The following C19orf38 variants were observed in gnomAD, a reference collection of about 807,000 sequenced individuals.
The protein encoded by C19orf38 is protein HIDE1.
In C19orf38, 14 loss-of-function variants were observed where a neutral mutation model predicts 26.6. The ratio of observed to expected loss-of-function variants is 0.53; its 90% CI spans 0.35 to 0.82. The LOEUF (loss-of-function observed/expected upper bound fraction) is 0.82, where lower values mean the gene tolerates loss of function less well. C19orf38 is among the 40% of genes least tolerant of loss of function. The pLI is 0.01. For synonymous variants in C19orf38, 132 were observed against 128.5 expected, an observed-to-expected ratio of 1.03 and a Z score of -0.18; for missense variants, 261 against 299.5, an observed-to-expected ratio of 0.87 and a Z score of 0.95.
chr19:10,838,836 T>G lies in C19orf38; in HGVS notation c.-69+2066T>G, dbSNP rs534214454. ...GTGCCATTTGCATAGGGTGTGAATT[T>G]CTGGTATCTGCTAATCTTTTATTAT... On this transcript the variant is annotated intron_variant, in intron 1 of 7. Coordinates refer to the C19orf38 transcript ENST00000592854. Among the ~76,000 whole-genome samples the G allele has an allele frequency of 2.0e-5, 3 of 152,278 alleles. No homozygotes were observed. In the South Asian group the frequency reaches 6.2e-4, roughly 32 times the overall value.
At chr19:10,858,755 A>G (rs539851657) in intron 4 of C19orf38, among the ~76,000 whole-genome samples, 33 of 152,030 alleles carry the variant, frequency 2.2e-4, no homozygotes, top group East Asian at 1.6e-3. Context: ...GCAGTGCCCA[A>G]TTGCACTGTA....
chr19:10,856,924 G>A (rs1318974801), intron 3 of C19orf38, among the ~76,000 whole-genome samples: 1 of 151,540 alleles, frequency 6.6e-6, no homozygotes, highest in Non-Finnish European at 1.5e-5. Flanking sequence ...AGCCTCCCAA[G>A]TAGCTGGGAC....
At chr19:10,856,202 A>T in intron 2 of C19orf38, 63 bp from the exon 3 acceptor site, 1 of 1,306,254 alleles carries the variant, frequency 7.7e-7, no homozygotes, top group Non-Finnish European at 1.1e-6. Flanking sequence ...AGGGCTGGCT[A>T]CTCAAAGGTA....
intron 6 of C19orf38, among the ~76,000 whole-genome samples, chr19:10,865,219 T>G (rs941189025): frequency 2.6e-5 from 4 of 152,034 alleles, no homozygotes; most frequent in African/African-American, 9.7e-5. Flanking sequence ...TGGCTTGATC[T>G]CACTGCAACC....
chr19:10,856,490 G>GTATT (rs374016803), intron 3 of C19orf38, 133 bp downstream of exon 3: 396 of 524,692 alleles, frequency 7.5e-4, no homozygotes, highest in Non-Finnish European at 1.1e-3. Flanking sequence ...CCTTTTAAAA[G>GTATT]TATTTATTTA....
At chr19:10,842,584 A>G (rs1402308014) in intron 1 of C19orf38, among the ~76,000 whole-genome samples, 2 of 152,236 alleles carry the variant, frequency 1.3e-5, no homozygotes, top group Admixed American at 1.3e-4. Flanking sequence ...TGGAAAAAAA[A>G]AAAGTAGCTG....
intron 6 of C19orf38, among the ~76,000 whole-genome samples, chr19:10,864,988 G>T (rs2073738001): frequency 6.6e-6 from 1 of 152,176 alleles, no homozygotes; most frequent in East Asian, 1.9e-4. Context: ...CTTGGCACGG[G>T]CCTGTGCAGC....
At chr19:10,847,737 C>G (rs1443002397), upstream of C19orf38, among the ~76,000 whole-genome samples, 1 of 152,110 alleles carries the variant, frequency 6.6e-6, no homozygotes, top group Non-Finnish European at 1.5e-5. Flanking sequence ...GTAAGCCATG[C>G]CTGAGGTCAC....
chr19:10,848,579 C>A, intron 1 of C19orf38, 40 bp downstream of exon 1: 1 of 1,192,538 alleles, frequency 8.4e-7, no homozygotes, highest in Non-Finnish European at 1.1e-6. Flanking sequence ...CCACGCCTTT[C>A]CCCCCATCCT....
intron 1 of C19orf38, among the ~76,000 whole-genome samples, chr19:10,837,807 G>A (rs550832210): frequency 8.6e-5 from 13 of 150,344 alleles, no homozygotes; most frequent in African/African-American, 2.2e-4. Context: ...GCACCCGGCC[G>A]GATTTTTTTT....
intron 1 of C19orf38, among the ~76,000 whole-genome samples, chr19:10,838,341 C>T (rs952544935): frequency 1.3e-5 from 2 of 152,080 alleles, no homozygotes; most frequent in African/African-American, 2.4e-5. Flanking sequence ...ACCTGGGAAG[C>T]GGAGCTTGCA....
At chr19:10,850,142 T>A (rs1394992839) in intron 1 of C19orf38, 117 bp from the exon 2 acceptor site, 2 of 994,488 alleles carry the variant, frequency 2.0e-6, no homozygotes, top group African/African-American at 1.6e-5. Flanking sequence ...GTCACTAGCC[T>A]CCTGACTCAC....
intron 3 of C19orf38, 82 bp from the exon 4 acceptor site, chr19:10,858,234 A>AAAC: frequency 8.8e-6 from 10 of 1,137,904 alleles, no homozygotes; most frequent in Non-Finnish European, 3.6e-6. Flanking sequence ...TCTAAAAAAA[A>AAAC]AAAAAAAAAA....
chr19:10,841,886 T>G (rs936990599), intron 1 of C19orf38: 1 of 1,580,700 alleles, frequency 6.3e-7, no homozygotes, highest in Non-Finnish European at 8.7e-7. Flanking sequence ...CTGTCTACTT[T>G]TCTTATCCTG....
intron 1 of C19orf38, among the ~76,000 whole-genome samples, chr19:10,837,728 C>T (rs1228542499): frequency 6.6e-6 from 1 of 151,786 alleles, no homozygotes; most frequent in Non-Finnish European, 1.5e-5. Context: ...AGGATGGTCT[C>T]GATATCCTGA....
chr19:10,856,460 A>T, intron 3 of C19orf38, 103 bp downstream of exon 3: 1 of 875,938 alleles, frequency 1.1e-6, no homozygotes, highest in East Asian at 2.9e-5. Flanking sequence ...TTTCAGGTTC[A>T]GTAATTTGTT....
In C19orf38 at chr19:10,856,245, C is replaced by A; in HGVS notation, c.341-20C>A. On this transcript the variant is annotated intron_variant, in intron 2 of 6. Coordinates refer to ENST00000397820, the MANE Select transcript of C19orf38 (RefSeq NM_001136482.3). ...GAGACGACACTGACCTGCCCACTCT[C>A]TTTTCTGATTTTCCTCCAGTGCCCA... The A allele has an allele frequency of 6.5e-7, 1 of 1,545,148 alleles. No homozygotes were observed. Among genetic ancestry groups the A allele is most frequent in the Non-Finnish European group, 8.8e-7 (1 of 1,141,304 alleles).
At chr19:10,867,088 C>T (rs2073758920) in intron 6 of C19orf38, among the ~76,000 whole-genome samples, 1 of 151,814 alleles carries the variant, frequency 6.6e-6, no homozygotes, top group African/African-American at 2.4e-5. Flanking sequence ...CCGTGCCCGG[C>T]CCAGAAATTT....
At chr19:10,864,839 G>T (rs2073736644) in intron 6 of C19orf38, among the ~76,000 whole-genome samples, 1 of 152,170 alleles carries the variant, frequency 6.6e-6, no homozygotes, top group African/African-American at 2.4e-5. Flanking sequence ...AGGCTTGGAG[G>T]GTCAGGAGTG....
Sources: gnomAD v4.1 joint callset for allele counts (sites outside exome capture counted in the v4.1 genomes callset) on GRCh38, gnomAD v4.1.1 for gene constraint, MANE v1.5 for transcripts, NCBI Gene and HGNC (gene_info 2026-07-23, HGNC 2026-07-21) for gene names.